Variants in SMARCC1 observed in about 807,000 individuals in gnomAD.
The protein encoded by SMARCC1 is SWI/SNF complex subunit SMARCC1.
A neutral mutation model predicts 147.4 loss-of-function variants in SMARCC1; 43 were observed. That is an observed-to-expected ratio of 0.29 (90% confidence interval 0.23 to 0.38). The LOEUF is 0.38. SMARCC1 is among the 10% of genes least tolerant of loss of function. The pLI is 1.00. For missense variants in SMARCC1, 1,119 were observed against 1,381.1 expected (o/e 0.81, Z 3.01); for synonymous variants, 495 against 484.4 (o/e 1.02, Z -0.29).
chr3:47,606,583 T>A (rs2032480149), intron 26 of SMARCC1, among the ~76,000 whole-genome samples: 2 of 152,248 alleles, frequency 1.3e-5, no homozygotes, highest in South Asian at 4.1e-4. Context: ...TTAGATGTTC[T>A]GTGAGCAGTT....
At chr3:47,671,196 A>AAAAAAAAAAAAAAAAAACAAAC (rs753672169) in intron 18 of SMARCC1, among the ~76,000 whole-genome samples, 1 of 81,144 alleles carries the variant, frequency 1.2e-5, no homozygotes, top group Non-Finnish European at 2.4e-5. Flanking sequence ...AAAAAAAAAA[A>AAAAAAAAAAAAAAAAAACAAAC]AACACACACA....
chr3:47,613,558 C>A (rs1051087850), intron 25 of SMARCC1, among the ~76,000 whole-genome samples: 10 of 152,152 alleles, frequency 6.6e-5, no homozygotes, highest in Non-Finnish European at 8.8e-5. Context: ...TGGGGTTTCA[C>A]CATGTTGGCC....
At chr3:47,677,863 C>A (rs1429660196) in intron 16 of SMARCC1, among the ~76,000 whole-genome samples, 1 of 152,054 alleles carries the variant, frequency 6.6e-6, no homozygotes, top group East Asian at 1.9e-4. Flanking sequence ...AAATTTTCAA[C>A]CTCTAATGCT....
intron 6 of SMARCC1, among the ~76,000 whole-genome samples, chr3:47,725,050 A>AAAAAAAAAAAAAC (rs1466159110): frequency 6.6e-6 from 1 of 151,406 alleles, no homozygotes; most frequent in African/African-American, 2.4e-5. Flanking sequence ...AAAAAAAAAA[A>AAAAAAAAAAAAAC]AAAAAAATCT....
At chr3:47,589,868 T>A (rs1417379581) in intron 27 of SMARCC1, among the ~76,000 whole-genome samples, 1 of 152,282 alleles carries the variant, frequency 6.6e-6, no homozygotes, top group Non-Finnish European at 1.5e-5. Flanking sequence ...CTCTCTGAAC[T>A]ATAAATAGTA....
intron 9 of SMARCC1, among the ~76,000 whole-genome samples, chr3:47,707,727 A>T (rs536170550): frequency 6.6e-6 from 1 of 152,208 alleles, no homozygotes; most frequent in Non-Finnish European, 1.5e-5. Context: ...AAACAAAAAA[A>T]AGTTAGCTGG....
chr3:47,647,015 C>T (rs2033127953), intron 21 of SMARCC1, among the ~76,000 whole-genome samples: 1 of 152,226 alleles, frequency 6.6e-6, no homozygotes, highest in Admixed American at 6.5e-5. Context: ...AAGGTCAAAA[C>T]TATTTTCATA....
At chr3:47,605,231 C>T (rs2032452373) in intron 26 of SMARCC1, among the ~76,000 whole-genome samples, 1 of 152,160 alleles carries the variant, frequency 6.6e-6, no homozygotes, top group Admixed American at 6.5e-5. Flanking sequence ...CATAAATACT[C>T]AATTCTACAC....
At position 47,708,083 on chromosome 3, in the gene SMARCC1, C is replaced by CTTTTTTTCTTTTTTTT. The variant is rs1559650534; in HGVS notation, c.919-1554_919-1553insAAAAAAAAGAAAAAAA. ...GTAAATCTGAAGTTGAATTTTTTTT[C>CTTTTTTTCTTTTTTTT]TTTTTTTTTTTTTTTTTTTTTTTTT... On this transcript the variant is annotated intron_variant, in intron 9 of 27. Transcript: ENST00000254480. 4.1e-3 allele frequency among the ~76,000 whole-genome samples: 265 copies of CTTTTTTTCTTTTTTTT among 64,366 alleles called. 3 individuals are homozygous for CTTTTTTTCTTTTTTTT. The highest frequency in any genetic ancestry group is 5.2e-3 in the Non-Finnish European group (195 of 37,196). 42.2% of individuals were successfully genotyped at this position (64,366 alleles called of 152,430 possible).
intron 18 of SMARCC1, among the ~76,000 whole-genome samples, chr3:47,674,883 G>A (rs2033550382): frequency 6.6e-6 from 1 of 152,074 alleles, no homozygotes; most frequent in African/African-American, 2.4e-5. Flanking sequence ...TCTTTGGACT[G>A]TATCATTCAT....
intron 10 of SMARCC1, among the ~76,000 whole-genome samples, chr3:47,702,609 TA>T (rs1358877165): frequency 6.6e-6 from 1 of 152,102 alleles, no homozygotes; most frequent in East Asian, 1.9e-4. Flanking sequence ...ACAAAAAATT[TA>T]AATTTTAAGA....
At chr3:47,605,784 A>T (rs2032462147) in intron 26 of SMARCC1, among the ~76,000 whole-genome samples, 1 of 152,154 alleles carries the variant, frequency 6.6e-6, no homozygotes, top group Non-Finnish European at 1.5e-5. Context: ...CTCAAACAAA[A>T]CAAAACAAGG....
At chr3:47,739,349 C>T (rs1290591595) in intron 3 of SMARCC1, among the ~76,000 whole-genome samples, 4 of 152,116 alleles carry the variant, frequency 2.6e-5, no homozygotes, top group Admixed American at 6.6e-5. Flanking sequence ...GAGGCAGAGT[C>T]TCACTGTGTC....
At chr3:47,666,588 T>TAAAA (rs11306091) in intron 19 of SMARCC1, among the ~76,000 whole-genome samples, 2 of 140,266 alleles carry the variant, frequency 1.4e-5, no homozygotes, top group Non-Finnish European at 3.1e-5. Flanking sequence ...TTTTCCTAAT[T>TAAAA]AAAAAAAAAA....
chr3:47,700,897 C>G (rs2033909162), intron 11 of SMARCC1, among the ~76,000 whole-genome samples: 1 of 152,154 alleles, frequency 6.6e-6, no homozygotes, highest in Admixed American at 6.5e-5. Context: ...GTTCATCACA[C>G]TTAGAAGAAA....
At chr3:47,749,410 C>T (rs2034601631) in intron 2 of SMARCC1, among the ~76,000 whole-genome samples, 2 of 151,478 alleles carry the variant, frequency 1.3e-5, no homozygotes, top group South Asian at 4.2e-4. Flanking sequence ...CCTATAAAAC[C>T]AGCACTTTGG....
intron 4 of SMARCC1, 30 bp downstream of exon 4, chr3:47,737,999 C>A: frequency 1.3e-6 from 2 of 1,515,962 alleles, no homozygotes; most frequent in Non-Finnish European, 1.8e-6. Flanking sequence ...TAAAGGTAAA[C>A]TTTTTAAATA....
At chr3:47,729,389 CTTT>C (rs1158996151) in intron 5 of SMARCC1, among the ~76,000 whole-genome samples, 1 of 151,932 alleles carries the variant, frequency 6.6e-6, no homozygotes, top group South Asian at 2.1e-4. Context: ...ACTACTAATT[CTTT>C]TTTTTCCTGA....
chr3:47,738,161 A>G, intron 3 of SMARCC1, 51 bp from the exon 4 acceptor site: 11 of 1,274,528 alleles, frequency 8.6e-6, no homozygotes, highest in Non-Finnish European at 1.2e-5. Context: ...TTAAACACAA[A>G]TGAAAACTTG....
Sources: allele counts gnomAD v4.1 joint callset (sites outside exome capture counted in the v4.1 genomes callset), GRCh38; gene constraint gnomAD v4.1.1; transcripts MANE v1.5; gene names NCBI Gene and HGNC (gene_info 2026-07-23, HGNC 2026-07-21).